Variants in CPED1 observed in about 807,000 individuals in gnomAD.
CPED1 encodes cadherin-like and PC-esterase domain-containing protein 1.
In CPED1, 114 loss-of-function variants were observed where a neutral mutation model predicts 128.2. The ratio of observed to expected loss-of-function variants is 0.89; its 90% CI spans 0.76 to 1.04. CPED1 has a LOEUF of 1.04. CPED1 is among the 50% of genes least tolerant of loss of function. The pLI, the probability that CPED1 is intolerant of heterozygous loss-of-function variation, is 0.00. For missense variants in CPED1, 1,211 were observed against 1,207.1 expected, an observed-to-expected ratio of 1.00 and a Z score of -0.05; for synonymous variants, 462 against 426.7, an observed-to-expected ratio of 1.08 and a Z score of -1.02.
At chr7:121,152,096 A>T (rs757369716) in intron 16 of CPED1, among the ~76,000 whole-genome samples, 14 of 152,146 alleles carry the variant, frequency 9.2e-5, no homozygotes, top group Non-Finnish European at 1.9e-4. Flanking sequence ...GGCAGGACTG[A>T]TGAGTTTAAA....
At chr7:121,057,642 G>C (rs1440541675) in intron 4 of CPED1, among the ~76,000 whole-genome samples, 3 of 152,200 alleles carry the variant, frequency 2.0e-5, no homozygotes, top group Non-Finnish European at 4.4e-5. Context: ...GGCTTGACTT[G>C]CAGAATGTCT....
At chr7:121,210,431 G>T (rs1451936160) in intron 16 of CPED1, among the ~76,000 whole-genome samples, 1 of 151,904 alleles carries the variant, frequency 6.6e-6, no homozygotes, top group Non-Finnish European at 1.5e-5. Flanking sequence ...ACAGATAAAT[G>T]GATAAAGTAT....
At chr7:121,069,855 G>T (rs1585051456) in intron 5 of CPED1, among the ~76,000 whole-genome samples, 1 of 152,010 alleles carries the variant, frequency 6.6e-6, no homozygotes, top group Non-Finnish European at 1.5e-5. Flanking sequence ...TGTTGTTTTT[G>T]TTCTTTTTAG....
At chr7:121,198,626 T>G (rs1205605695) in intron 16 of CPED1, among the ~76,000 whole-genome samples, 5 of 152,142 alleles carry the variant, frequency 3.3e-5, no homozygotes, top group Non-Finnish European at 7.4e-5. Context: ...GGTTGTCTTC[T>G]TACTACTCTC....
chr7:121,074,433 G>C (rs1449078113), intron 5 of CPED1, among the ~76,000 whole-genome samples: 6 of 149,136 alleles, frequency 4.0e-5, no homozygotes, highest in African/African-American at 1.5e-4. Flanking sequence ...TTTCACAAAA[G>C]AGTTGAGTTA....
chr7:121,039,314 C>T (rs556564262), intron 3 of CPED1, among the ~76,000 whole-genome samples: 5 of 152,068 alleles, frequency 3.3e-5, no homozygotes, highest in East Asian at 1.9e-4. Context: ...GTGTCTTCGA[C>T]GTACCTTTGT....
chr7:121,145,797 CCTTT>C (rs1796011668), intron 16 of CPED1, among the ~76,000 whole-genome samples: 1 of 146,358 alleles, frequency 6.8e-6, no homozygotes, highest in African/African-American at 2.5e-5. Context: ...TTTTTTTTTT[CCTTT>C]CTGTCAACAA....
At chr7:121,287,237 C>A (rs1030705627) in intron 22 of CPED1, among the ~76,000 whole-genome samples, 2 of 152,060 alleles carry the variant, frequency 1.3e-5, no homozygotes, top group East Asian at 3.9e-4. Flanking sequence ...CAGTGCCACC[C>A]TTTTATACCC....
chr7:121,153,051 C>T (rs1371087924), intron 16 of CPED1, among the ~76,000 whole-genome samples: 7 of 151,970 alleles, frequency 4.6e-5, no homozygotes, highest in Admixed American at 6.6e-5. Context: ...TTACTAAAAC[C>T]GGAAACATCT....
intron 16 of CPED1, among the ~76,000 whole-genome samples, chr7:121,187,972 C>G (rs551191283): frequency 7.2e-5 from 11 of 152,210 alleles, no homozygotes; most frequent in African/African-American, 2.6e-4. Context: ...TTGTTAGGCT[C>G]ATGATTCAAA....
rs1251411418 is a variant in CPED1, at chr7:121,244,373, G to A, written c.2310+35G>A. 1.9e-6 allele frequency: 3 copies of A among 1,611,392 alleles called. No individual in the cohort carries two copies. The African/African-American group carries it at 4.0e-5, about 22-fold the overall frequency. ...GGATCTAGTGGGGGAAGCCTTTAATGTATGCCACCTGAAGTACTAAAAATC... is the reference window on the plus strand; with the variant it reads ...GGATCTAGTGGGGGAAGCCTTTAATATATGCCACCTGAAGTACTAAAAATC... On this transcript the variant is annotated intron_variant, in intron 18 of 22. Coordinates refer to ENST00000310396, the MANE Select transcript of CPED1 (RefSeq NM_024913.5).
At chr7:121,126,191 T>C (rs1795499660) in intron 9 of CPED1, among the ~76,000 whole-genome samples, 1 of 152,134 alleles carries the variant, frequency 6.6e-6, no homozygotes, top group Non-Finnish European at 1.5e-5. Context: ...AGAGGATGTG[T>C]AGATAATAGA....
intron 7 of CPED1, among the ~76,000 whole-genome samples, chr7:121,113,594 CAGAATTTG>C (rs1254172636): frequency 6.6e-6 from 1 of 151,858 alleles, no homozygotes; most frequent in Non-Finnish European, 1.5e-5. Context: ...CTTATTTGGC[CAGAATTTG>C]AATGTCCTTA....
rs770707931 is a variant in CPED1 at position 121,127,235 on chromosome 7, T to C, written c.1280T>C (p.Leu427Pro). The change falls in exon 10 of 23, where the codon CTT becomes CCT. Residue 427 changes from leucine to proline, a missense_variant. Physicochemically the swap from Leu to Pro is moderately conservative, Grantham distance 98. Transcript: ENST00000310396. ...LSIFSEIFQR[L>P]YRSDVFKGEN... is the part of the protein sequence containing the mutation. Reference sequence around the variant, plus strand: ...ATATTTTCTGAGATATTTCAGAGACTTTATAGATCAGATGTTTTCAAGGTA... The same window carrying C: ...ATATTTTCTGAGATATTTCAGAGACCTTATAGATCAGATGTTTTCAAGGTA... 6 of 1,584,596 alleles carry C rather than the reference T, an allele frequency of 3.8e-6. No individual in the cohort carries two copies. Among genetic ancestry groups the C allele is most frequent in the Middle Eastern group, 3.5e-4 (2 of 5,746 alleles).
intron 2 of CPED1, among the ~76,000 whole-genome samples, chr7:121,004,487 C>T (rs895436858): frequency 2.6e-5 from 4 of 152,032 alleles, no homozygotes; most frequent in South Asian, 2.1e-4. Flanking sequence ...GATTCTAGGC[C>T]GGCTGCCACA....
At chr7:121,071,849 C>T (rs1361720233) in intron 5 of CPED1, among the ~76,000 whole-genome samples, 1 of 152,004 alleles carries the variant, frequency 6.6e-6, no homozygotes, top group Non-Finnish European at 1.5e-5. Context: ...TTCTCTTCAG[C>T]TTCAGCTTCA....
At chr7:121,022,205 C>A (rs1376967425) in intron 3 of CPED1, among the ~76,000 whole-genome samples, 2 of 151,888 alleles carry the variant, frequency 1.3e-5, no homozygotes, top group Non-Finnish European at 2.9e-5. Flanking sequence ...TATTTGGGCT[C>A]CTTAAACAGC....
At chr7:121,062,993 T>C (rs563818927) in intron 4 of CPED1, 1 of 152,184 alleles carries the variant, frequency 6.6e-6, no homozygotes, top group Non-Finnish European at 1.5e-5. Context: ...TTACCCAGTC[T>C]CGCGTATGTC....
At chr7:121,233,017 G>A (rs1252863086) in intron 16 of CPED1, among the ~76,000 whole-genome samples, 1 of 152,064 alleles carries the variant, frequency 6.6e-6, no homozygotes, top group African/African-American at 2.4e-5. Context: ...AAGGAATGAA[G>A]TGGGTGTCCA....
Sources: allele counts gnomAD v4.1 joint callset (sites outside exome capture counted in the v4.1 genomes callset), GRCh38; gene constraint gnomAD v4.1.1; transcripts MANE v1.5; gene names NCBI Gene and HGNC (gene_info 2026-07-23, HGNC 2026-07-21).